SOX5: variants seen among roughly 807,000 people sequenced by gnomAD.
The protein encoded by SOX5 is SRY-box transcription factor 5.
SOX5 carries 9 observed loss-of-function variants against 92.0 expected under a neutral mutation model. That is an observed-to-expected ratio of 0.10 (90% CI 0.06 to 0.17). The LOEUF (loss-of-function observed/expected upper bound fraction) is 0.17, where lower values mean the gene tolerates loss of function less well. SOX5 is among the 10% of genes least tolerant of loss of function. SOX5 has a pLI of 1.00. For missense variants in SOX5, 642 were observed against 944.5 expected, an observed-to-expected ratio of 0.68 and a Z score of 4.20; for synonymous variants, 344 against 336.3, an observed-to-expected ratio of 1.02 and a Z score of -0.25.
chr12:23,995,699 T>C (rs768170467), intron 4 of SOX5, among the ~76,000 whole-genome samples: 13 of 152,120 alleles, frequency 8.5e-5, no homozygotes, highest in Non-Finnish European at 1.5e-4. Flanking sequence ...CTCTCTCAAT[T>C]ACAAAAATTT....
At chr12:24,412,780 C>CTTTTTTTTTTTTT (rs35640190) in intron 1 of SOX5, among the ~76,000 whole-genome samples, 8 of 132,444 alleles carry the variant, frequency 6.0e-5, no homozygotes, top group Non-Finnish European at 9.4e-5. Context: ...ATTAGATTTT[C>CTTTTTTTTTTTTT]TTTTTTTTTT....
chr12:24,361,359 G>A (rs569413782), intron 2 of SOX5, among the ~76,000 whole-genome samples: 6 of 152,146 alleles, frequency 3.9e-5, no homozygotes, highest in East Asian at 3.9e-4. Flanking sequence ...TGTGAATCCC[G>A]CCCCACCTCT....
At chr12:23,790,510 C>T in intron 3 of SOX5, among the ~76,000 whole-genome samples, 1 of 147,514 alleles carries the variant, frequency 6.8e-6, no homozygotes, top group East Asian at 2.0e-4. Context: ...TCCCTGGTAC[C>T]TCTCACAACT....
chr12:24,079,110 G>A (rs141483834), intron 4 of SOX5, among the ~76,000 whole-genome samples: 151 of 150,648 alleles, frequency 1.0e-3, no homozygotes, highest in African/African-American at 3.5e-3. Flanking sequence ...TCACGTAGCA[G>A]CCAAAATGAT....
intron 2 of SOX5, among the ~76,000 whole-genome samples, chr12:24,301,715 G>C (rs1160945155): frequency 1.3e-5 from 2 of 152,156 alleles, no homozygotes; most frequent in Non-Finnish European, 2.9e-5. Flanking sequence ...AAACCAGCAT[G>C]AGTGCGCACA....
intron 4 of SOX5, among the ~76,000 whole-genome samples, chr12:24,099,219 A>G (rs938781319): frequency 6.6e-6 from 1 of 152,118 alleles, no homozygotes; most frequent in Non-Finnish European, 1.5e-5. Context: ...CATGTGATCA[A>G]CCTCAAGATT....
intron 6 of SOX5, among the ~76,000 whole-genome samples, chr12:23,716,664 G>A (rs951776268): frequency 2.6e-5 from 4 of 152,250 alleles, no homozygotes; most frequent in South Asian, 2.1e-4. Context: ...AACATCATTC[G>A]TATGTTCTGG....
At chr12:24,125,379 T>G (rs1949013067) in intron 4 of SOX5, among the ~76,000 whole-genome samples, 3 of 152,204 alleles carry the variant, frequency 2.0e-5, no homozygotes, top group Admixed American at 1.3e-4. Context: ...TATTTTCCTT[T>G]TCATTAGAAA....
intron 4 of SOX5, among the ~76,000 whole-genome samples, chr12:24,195,652 C>T (rs1448904194): frequency 1.3e-5 from 2 of 152,098 alleles, no homozygotes; most frequent in Non-Finnish European, 2.9e-5. Flanking sequence ...GCATGTCCCT[C>T]CTGTCTACAT....
chr12:24,189,284 G>A (rs1056672496), intron 4 of SOX5, among the ~76,000 whole-genome samples: 11 of 152,138 alleles, frequency 7.2e-5, no homozygotes, highest in South Asian at 2.1e-4. Flanking sequence ...GGATCCATCC[G>A]TATTAAATAA....
At chr12:23,797,375 T>C (rs960402702) in intron 3 of SOX5, among the ~76,000 whole-genome samples, 2 of 152,014 alleles carry the variant, frequency 1.3e-5, no homozygotes, top group African/African-American at 4.8e-5. Flanking sequence ...CCAGGCTATG[T>C]GGGTCGGTTG....
intron 4 of SOX5, among the ~76,000 whole-genome samples, chr12:24,072,185 G>A (rs1592889897): frequency 6.6e-6 from 1 of 152,142 alleles, no homozygotes; most frequent in Admixed American, 6.5e-5. Context: ...CAACTATTCT[G>A]TAATGTGTTA....
chr12:23,574,298 G>A (rs531869220), intron 10 of SOX5, among the ~76,000 whole-genome samples: 2 of 151,948 alleles, frequency 1.3e-5, no homozygotes, highest in Non-Finnish European at 2.9e-5. Flanking sequence ...TACCGATGAG[G>A]CTCGTATTTC....
intron 3 of SOX5, chr12:24,230,663 T>C (rs1042523546): frequency 2.0e-5 from 3 of 152,136 alleles, no homozygotes; most frequent in African/African-American, 7.2e-5. Flanking sequence ...ACTTTTACAC[T>C]TAAGATCAGG....
chr12:23,728,043 A>T (rs978450590), intron 6 of SOX5, among the ~76,000 whole-genome samples: 22 of 152,200 alleles, frequency 1.4e-4, no homozygotes, highest in African/African-American at 5.3e-4. Flanking sequence ...ATACTTAAGG[A>T]ATTTTAAAGT....
At chr12:23,903,867 T>C (rs1199941880) in intron 1 of SOX5, among the ~76,000 whole-genome samples, 1 of 152,228 alleles carries the variant, frequency 6.6e-6, no homozygotes, top group Admixed American at 6.5e-5. Context: ...GAATGTTACT[T>C]ATCCAATATG....
intron 9 of SOX5, among the ~76,000 whole-genome samples, chr12:23,599,219 G>C (rs1158017961): frequency 6.6e-6 from 1 of 152,186 alleles, no homozygotes; most frequent in African/African-American, 2.4e-5. Flanking sequence ...TAACAATAAA[G>C]TTCCAGTTTT....
At chr12:24,240,948 C>T (rs1594708600) in intron 3 of SOX5, among the ~76,000 whole-genome samples, 2 of 152,230 alleles carry the variant, frequency 1.3e-5, no homozygotes, top group East Asian at 3.9e-4. Context: ...TCACAGAGAA[C>T]AGGTTCCTAA....
intron 4 of SOX5, among the ~76,000 whole-genome samples, chr12:24,206,120 C>T (rs917710759): frequency 6.6e-6 from 1 of 152,164 alleles, no homozygotes; most frequent in Non-Finnish European, 1.5e-5. Flanking sequence ...ATAAGCGCTG[C>T]TTTAACTCTT....
Sources: allele counts gnomAD v4.1 joint callset (sites outside exome capture counted in the v4.1 genomes callset), GRCh38; gene constraint gnomAD v4.1.1; transcripts MANE v1.5; gene names NCBI Gene and HGNC (gene_info 2026-07-23, HGNC 2026-07-21).